KLF17: variants seen among roughly 807,000 people sequenced by gnomAD.
KLF17 encodes the protein KLF transcription factor 17.
A neutral mutation model predicts 34.2 loss-of-function variants in KLF17; 31 were observed. The ratio of observed to expected loss-of-function variants is 0.91; its 90% CI spans 0.68 to 1.22. KLF17 has a LOEUF of 1.22. KLF17 is among the 50% of genes most tolerant of loss of function. The pLI is 0.00. For missense variants in KLF17, 478 were observed against 505.2 expected, an observed-to-expected ratio of 0.95 and a Z score of 0.52; for synonymous variants, 179 against 186.7, an observed-to-expected ratio of 0.96 and a Z score of 0.34.
chr1:44,116,659 C>T (rs958017247), upstream of KLF17, among the ~76,000 whole-genome samples: 3 of 152,198 alleles, frequency 2.0e-5, no homozygotes, highest in African/African-American at 7.2e-5. Context: ...CTCCGTCTTG[C>T]CAAATCCAGT....
the KLF17 span, among the ~76,000 whole-genome samples, chr1:44,057,244 A>G: frequency 1.3e-5 from 2 of 152,194 alleles, no homozygotes; most frequent in African/African-American, 4.8e-5. Context: ...AGGGCCCTCC[A>G]ATTGGGAAAA....
the KLF17 span, among the ~76,000 whole-genome samples, chr1:44,100,139 G>A: frequency 6.6e-6 from 1 of 151,196 alleles, no homozygotes; most frequent in Non-Finnish European, 1.5e-5. Flanking sequence ...ATGGTGGTGT[G>A]TGCCTGTAAT....
chr1:44,079,307 C>CT, the KLF17 span, among the ~76,000 whole-genome samples: 472 of 140,830 alleles, frequency 3.4e-3, 4 homozygotes, highest in African/African-American at 8.3e-3. Flanking sequence ...TTTTCTTCTC[C>CT]TTTTTTTTTT....
the KLF17 span, among the ~76,000 whole-genome samples, chr1:44,069,507 AGAGAG>A: frequency 0.026 from 3,654 of 141,766 alleles, 197 homozygotes; most frequent in African/African-American, 0.097. This position sits in a 1 kb window ranked among gnomAD's most constrained non-coding sequence, Gnocchi z 4.7. Context: ...AGAGAGAGAG[AGAGAG>A]AAGACAGGAG....
the KLF17 span, among the ~76,000 whole-genome samples, chr1:44,078,243 G>A: frequency 1.3e-5 from 2 of 152,150 alleles, no homozygotes; most frequent in Admixed American, 6.5e-5. Flanking sequence ...TAGTTACACA[G>A]TTACTATGCA....
chr1:44,084,794 G>A, the KLF17 span, among the ~76,000 whole-genome samples: 2 of 150,908 alleles, frequency 1.3e-5, no homozygotes, highest in African/African-American at 4.9e-5. Flanking sequence ...ATACATGAAG[G>A]CAGGCACGGT....
In KLF17 at chr1:44,129,381, A is replaced by G; in HGVS notation, c.110A>G (p.Asn37Ser). 6.6e-7 allele frequency: 1 copy of G among 1,519,982 alleles called. No homozygotes were observed. The highest frequency in any genetic ancestry group is 8.8e-7 in the Non-Finnish European group (1 of 1,134,494). The allele number at this position is 1,519,982 out of a possible 1,614,324, so 94.2% of individuals were successfully genotyped here. A position where few individuals can be genotyped will look rare whatever the true frequency, so the allele number is the denominator to read the frequency against. ...QDNENSAPIL[N>S]MSSSSGSSGV... The stretch of plus-strand genomic sequence containing the variant: ...AACGAGAACTCAGCGCCCATCTTGA[A>G]CATGTCTTCATCTTCTGGAAGCTCT... The change falls in exon 2 of 4, where the codon AAC becomes AGC. Residue 37 changes from asparagine (N) to serine (S), a missense_variant. Physicochemically the swap from Asn to Ser is conservative, Grantham distance 46 (BLOSUM62 1). Coordinates refer to ENST00000372299, the MANE Select transcript of KLF17 (RefSeq NM_173484.4).
At chr1:44,096,702 C>CAT in the KLF17 span, among the ~76,000 whole-genome samples, 49,277 of 151,614 alleles carry the variant, frequency 0.33, 8,156 homozygotes, top group South Asian at 0.38. Context: ...GCCCAGCCTA[C>CAT]GGTTTTTAAA....
chr1:44,066,692 A>G, the KLF17 span, among the ~76,000 whole-genome samples: 3 of 152,214 alleles, frequency 2.0e-5, no homozygotes, highest in Non-Finnish European at 2.9e-5. Context: ...AAATTCTTGC[A>G]CAGGTACATC....
chr1:44,061,856 T>C, the KLF17 span, among the ~76,000 whole-genome samples: 1 of 152,138 alleles, frequency 6.6e-6, no homozygotes, highest in Non-Finnish European at 1.5e-5. Flanking sequence ...AGGCGGAGGT[T>C]GCAGTGAGCT....
chr1:44,090,963 C>G, the KLF17 span, among the ~76,000 whole-genome samples: 14 of 151,450 alleles, frequency 9.2e-5, no homozygotes, highest in African/African-American at 3.4e-4. Context: ...CACGCATGCA[C>G]ACACACACAC....
At chr1:44,115,580 T>C (rs2087872970), upstream of KLF17, 1 of 152,138 alleles carries the variant, frequency 6.6e-6, no homozygotes, top group Admixed American at 6.5e-5. Context: ...AATATGTTAC[T>C]GAATTTGAAT....
intron 1 of KLF17, 47 bp downstream of exon 1, chr1:44,119,035 G>A: frequency 6.7e-7 from 1 of 1,484,240 alleles, no homozygotes; most frequent in Non-Finnish European, 9.2e-7. Flanking sequence ...CCCAGGCTAG[G>A]GGGCGGCGGG....
At chr1:44,131,936 C>G (rs1157901910) in intron 3 of KLF17, among the ~76,000 whole-genome samples, 1 of 152,168 alleles carries the variant, frequency 6.6e-6, no homozygotes, top group Non-Finnish European at 1.5e-5. Context: ...TTCAAGTAGT[C>G]TGCCCACCTC....
the KLF17 span, among the ~76,000 whole-genome samples, chr1:44,071,607 G>T: frequency 1.3e-5 from 2 of 152,000 alleles, no homozygotes; most frequent in Non-Finnish European, 2.9e-5. Context: ...TCAAAAGCTT[G>T]AATTTGCTCA....
the KLF17 span, among the ~76,000 whole-genome samples, chr1:44,097,538 T>G: frequency 1.1e-3 from 164 of 152,200 alleles, no homozygotes; most frequent in Non-Finnish European, 1.9e-3. Flanking sequence ...CGTGTATACC[T>G]ATGTAACAAA....
the KLF17 span, among the ~76,000 whole-genome samples, chr1:44,059,644 C>T: frequency 1.3e-5 from 2 of 152,298 alleles, no homozygotes; most frequent in African/African-American, 4.8e-5. Context: ...CCTCCGATTC[C>T]ATCTGAATAC....
the KLF17 span, among the ~76,000 whole-genome samples, chr1:44,045,706 C>T: frequency 1.2e-4 from 18 of 152,160 alleles, no homozygotes; most frequent in Non-Finnish European, 1.9e-4. Context: ...TTTATCCAGG[C>T]CTGGTCTTAC....
chr1:44,099,842 AAAG>A, the KLF17 span, among the ~76,000 whole-genome samples: 11 of 40,098 alleles, frequency 2.7e-4, no homozygotes, highest in African/African-American at 1.0e-3. Context: ...AGAAAGAAAG[AAAG>A]AAAGAAAGAA....
Sources: allele counts gnomAD v4.1 joint callset (sites outside exome capture counted in the v4.1 genomes callset), GRCh38; gene constraint gnomAD v4.1.1; non-coding constraint Gnocchi (gnomAD v3.1); transcripts MANE v1.5; gene names NCBI Gene and HGNC (gene_info 2026-07-23, HGNC 2026-07-21).